The following LRP1B variants were observed in gnomAD, a reference collection of about 807,000 sequenced individuals.
LRP1B encodes low-density lipoprotein receptor-related protein 1B.
Under a neutral mutation model 556.6 loss-of-function variants are expected in LRP1B, and 217 were observed. The observed-to-expected ratio is 0.39, with a 90% CI of 0.35 to 0.44. The LOEUF is 0.44. Among genes scored for constraint, LRP1B ranks in the 20% least tolerant of loss-of-function variants. The pLI is 1.00. For synonymous variants in LRP1B, 2,047 were observed against 1,865.8 expected, an observed-to-expected ratio of 1.10 and a Z score of -2.50; for missense variants, 5,053 against 5,620.8, an observed-to-expected ratio of 0.90 and a Z score of 3.23.
chr2:140,951,824 CAA>C (rs1695724481), intron 19 of LRP1B, 34 bp downstream of exon 19: 2 of 1,531,562 alleles, frequency 1.3e-6, no homozygotes, highest in Non-Finnish European at 1.8e-6. Context: ...AGCCCCCGAT[CAA>C]ATTAGTGCTA....
intron 6 of LRP1B, among the ~76,000 whole-genome samples, chr2:141,212,296 T>G (rs1022770079): frequency 1.7e-5 from 2 of 114,486 alleles, no homozygotes; most frequent in African/African-American, 6.4e-5. Context: ...TTTTTTTTTT[T>G]GTGACTGAGC....
chr2:141,071,848 TAA>T (rs1389370091), intron 7 of LRP1B, among the ~76,000 whole-genome samples: 1 of 152,020 alleles, frequency 6.6e-6, no homozygotes, highest in African/African-American at 2.4e-5. Flanking sequence ...CTCGATGAAA[TAA>T]AAGAGTATAC....
In LRP1B at chr2:141,736,058, G is replaced by A. The variant is rs542100784; in HGVS notation, c.205+74221C>T. Among the ~76,000 whole-genome samples the A allele has an allele frequency of 7.2e-5, 11 of 152,226 alleles. No homozygotes were observed. The South Asian group carries it at 1.9e-3, about 26-fold the overall frequency. ...CTGGGTTTGTGATGCTGGAGACACT[G>A]GGAACAATTCTCACCCACTCTCTCT... is the stretch of plus-strand genomic sequence containing the variant. On this transcript the variant is annotated intron_variant, in intron 2 of 90. Coordinates refer to ENST00000389484, the MANE Select transcript of LRP1B (RefSeq NM_018557.3).
chr2:140,667,412 C>G (rs1330258390), intron 41 of LRP1B, among the ~76,000 whole-genome samples: 1 of 152,180 alleles, frequency 6.6e-6, no homozygotes, highest in Non-Finnish European at 1.5e-5. Flanking sequence ...TACATGAGTG[C>G]ACACCTAGGT....
chr2:141,332,213 C>T (rs558675232), intron 3 of LRP1B, among the ~76,000 whole-genome samples: 1 of 151,958 alleles, frequency 6.6e-6, no homozygotes, highest in African/African-American at 2.4e-5. Context: ...ATCCTGATGA[C>T]TTGTTACATT....
chr2:140,911,073 G>A (rs1006319722), intron 21 of LRP1B, among the ~76,000 whole-genome samples: 1 of 151,772 alleles, frequency 6.6e-6, no homozygotes, highest in Non-Finnish European at 1.5e-5. Context: ...TACATTAAAG[G>A]TATATGCTTG....
At chr2:141,188,659 T>C (rs1223239323) in intron 6 of LRP1B, 76 bp from the exon 7 acceptor site, 4 of 1,312,088 alleles carry the variant, frequency 3.0e-6, no homozygotes, top group Non-Finnish European at 4.3e-6. Flanking sequence ...CATAAGTGTT[T>C]CCAAACCATC....
intron 1 of LRP1B, among the ~76,000 whole-genome samples, chr2:142,128,513 A>C (rs2105024259): frequency 6.6e-6 from 1 of 152,284 alleles, no homozygotes; most frequent in African/African-American, 2.4e-5. Context: ...ATGCAGTAAC[A>C]CTTTCTTTCT....
chr2:142,003,566 A>T (rs1702719113), intron 1 of LRP1B, among the ~76,000 whole-genome samples: 1 of 152,200 alleles, frequency 6.6e-6, no homozygotes, highest in East Asian at 1.9e-4. Flanking sequence ...CAGCAGAATG[A>T]GCAGGACCAC....
At chr2:141,128,448 A>G (rs1411065616) in intron 7 of LRP1B, among the ~76,000 whole-genome samples, 1 of 152,098 alleles carries the variant, frequency 6.6e-6, no homozygotes, top group Non-Finnish European at 1.5e-5. Flanking sequence ...TCTGTTCCCT[A>G]GATTTATTTC....
intron 1 of LRP1B, among the ~76,000 whole-genome samples, chr2:141,918,689 C>T (rs1402781534): frequency 1.3e-5 from 2 of 152,044 alleles, no homozygotes; most frequent in Non-Finnish European, 2.9e-5. Context: ...TAACTGTTGG[C>T]CTCCTAATAA....
At chr2:140,857,735 A>C (rs879141523) in intron 27 of LRP1B, among the ~76,000 whole-genome samples, 2 of 152,176 alleles carry the variant, frequency 1.3e-5, no homozygotes, top group Non-Finnish European at 2.9e-5. Flanking sequence ...CTCTACAGAG[A>C]GAGTTTTTAA....
intron 2 of LRP1B, among the ~76,000 whole-genome samples, chr2:141,766,010 C>T (rs770733113): frequency 2.0e-5 from 3 of 152,134 alleles, no homozygotes; most frequent in Admixed American, 1.3e-4. Flanking sequence ...TGAAAAAAAT[C>T]ACCCCATTGC....
intron 16 of LRP1B, 25 bp downstream of exon 16, chr2:140,993,970 T>A: frequency 6.2e-7 from 1 of 1,608,044 alleles, no homozygotes; most frequent in Non-Finnish European, 8.5e-7. Context: ...AATACAATTT[T>A]TAGGTGACTT....
intron 71 of LRP1B, among the ~76,000 whole-genome samples, chr2:140,367,712 T>A (rs1682825055): frequency 6.6e-6 from 1 of 151,800 alleles, no homozygotes; most frequent in East Asian, 1.9e-4. Flanking sequence ...TATATTGCCT[T>A]AACTCAAAAT....
intron 34 of LRP1B, among the ~76,000 whole-genome samples, chr2:140,769,765 C>T (rs966539559): frequency 1.3e-5 from 2 of 151,872 alleles, no homozygotes; most frequent in Non-Finnish European, 2.9e-5. Context: ...CATCTCTTTA[C>T]TTATATATGA....
intron 7 of LRP1B, among the ~76,000 whole-genome samples, chr2:141,137,893 T>A (rs1701528865): frequency 6.6e-6 from 1 of 151,750 alleles, no homozygotes; most frequent in Non-Finnish European, 1.5e-5. Flanking sequence ...TTTTTTTTTT[T>A]AATTTGAAAG....
intron 1 of LRP1B, among the ~76,000 whole-genome samples, chr2:141,895,746 C>T (rs187897997): frequency 6.6e-6 from 1 of 152,234 alleles, no homozygotes; most frequent in East Asian, 1.9e-4. Context: ...AAAATAATGT[C>T]ATTGTTTACT....
At chr2:140,610,511 C>T (rs1408507737) in intron 41 of LRP1B, among the ~76,000 whole-genome samples, 2 of 152,200 alleles carry the variant, frequency 1.3e-5, no homozygotes, top group Non-Finnish European at 2.9e-5. Context: ...CAGCTAATAG[C>T]TTTGAATCCC....
Sources: allele counts gnomAD v4.1 joint callset (sites outside exome capture counted in the v4.1 genomes callset), GRCh38; gene constraint gnomAD v4.1.1; transcripts MANE v1.5; gene names NCBI Gene and HGNC (gene_info 2026-07-23, HGNC 2026-07-21).